OLFM3: variants seen among roughly 807,000 people sequenced by gnomAD.
OLFM3 encodes the protein noelin-3.
OLFM3 carries 20 observed loss-of-function variants against 48.6 expected under a neutral mutation model. That is an observed-to-expected ratio of 0.41 (90% CI 0.29 to 0.60). OLFM3 has a LOEUF of 0.60. Among genes scored for constraint, OLFM3 ranks in the 20% least tolerant of loss-of-function variants. OLFM3 has a pLI of 0.28. For synonymous variants in OLFM3, 222 were observed against 198.1 expected, an observed-to-expected ratio of 1.12 and a Z score of -1.01; for missense variants, 437 against 544.3, an observed-to-expected ratio of 0.80 and a Z score of 1.96.
At chr1:101,812,783 TG>T (rs1281576759) in intron 4 of OLFM3, 1 of 989,456 alleles carries the variant, frequency 1.0e-6, no homozygotes, top group Non-Finnish European at 1.2e-6. Context: ...TGGGTGACCA[TG>T]GTAAAGTGGT....
chr1:101,912,599 C>CAG (rs1384499087), intron 1 of OLFM3, among the ~76,000 whole-genome samples: 1 of 152,100 alleles, frequency 6.6e-6, no homozygotes, highest in East Asian at 1.9e-4. Flanking sequence ...GGATATAAGA[C>CAG]AGAGGTTGAG....
intron 1 of OLFM3, among the ~76,000 whole-genome samples, chr1:101,870,730 C>T (rs566881080): frequency 1.6e-4 from 24 of 151,872 alleles, no homozygotes; most frequent in Non-Finnish European, 2.6e-4. Context: ...TTCACAGTGG[C>T]TTCCTGTGGG....
intron 4 of OLFM3, among the ~76,000 whole-genome samples, chr1:101,807,175 T>C (rs1653816896): frequency 6.6e-6 from 1 of 151,746 alleles, no homozygotes; most frequent in African/African-American, 2.4e-5. Context: ...CATGGGTATA[T>C]TGCACCCAGG....
chr1:101,863,291 T>C (rs1007958196), intron 1 of OLFM3, among the ~76,000 whole-genome samples: 9 of 152,222 alleles, frequency 5.9e-5, no homozygotes, highest in South Asian at 2.1e-4. Context: ...GCTTTTGATA[T>C]TGGATATTTC....
chr1:101,978,214 A>C (rs1308680122), intron 1 of OLFM3, among the ~76,000 whole-genome samples: 1 of 152,136 alleles, frequency 6.6e-6, no homozygotes, highest in African/African-American at 2.4e-5. Context: ...GAGAGAAGTA[A>C]CATGCTTCAA....
At chr1:101,900,093 T>A (rs1658341719) in intron 1 of OLFM3, among the ~76,000 whole-genome samples, 1 of 152,234 alleles carries the variant, frequency 6.6e-6, no homozygotes, top group African/African-American at 2.4e-5. Flanking sequence ...TTCCTATCAC[T>A]TATCATAGCC....
intron 1 of OLFM3, among the ~76,000 whole-genome samples, chr1:101,839,586 A>G (rs1655607383): frequency 6.6e-6 from 1 of 152,198 alleles, no homozygotes; most frequent in Admixed American, 6.5e-5. Flanking sequence ...AGGCCACCCA[A>G]TTATAATATT....
chr1:101,845,964 C>T (rs987335985), intron 1 of OLFM3, among the ~76,000 whole-genome samples: 1 of 152,222 alleles, frequency 6.6e-6, no homozygotes, highest in Non-Finnish European at 1.5e-5. Context: ...GAGTAACCCA[C>T]ATGAAAGTGA....
At chr1:101,821,528 G>C (rs1467611783) in intron 4 of OLFM3, among the ~76,000 whole-genome samples, 1 of 151,924 alleles carries the variant, frequency 6.6e-6, no homozygotes, top group Admixed American at 6.6e-5. Context: ...TGTAATTAAG[G>C]GTTGTGGTCC....
intron 1 of OLFM3, among the ~76,000 whole-genome samples, chr1:101,940,391 C>CT (rs1438939765): frequency 2.1e-5 from 3 of 144,236 alleles, no homozygotes; most frequent in Admixed American, 7.0e-5. Flanking sequence ...ACATCCCTCT[C>CT]TTTTTGAGCT....
chr1:101,897,669 T>C (rs1243780328), intron 1 of OLFM3, among the ~76,000 whole-genome samples: 1 of 152,178 alleles, frequency 6.6e-6, no homozygotes, highest in Admixed American at 6.5e-5. Flanking sequence ...AATATAATAT[T>C]AGAAACAGCT....
At chr1:101,818,502 A>T (rs976003461) in intron 4 of OLFM3, among the ~76,000 whole-genome samples, 4 of 152,126 alleles carry the variant, frequency 2.6e-5, no homozygotes, top group Non-Finnish European at 4.4e-5. Context: ...TTATTTGAAG[A>T]TTCAATTTAA....
intron 1 of OLFM3, among the ~76,000 whole-genome samples, chr1:101,948,015 T>A (rs1034479787): frequency 7.9e-5 from 12 of 152,110 alleles, no homozygotes; most frequent in African/African-American, 2.9e-4. Flanking sequence ...GGCCTGGAAA[T>A]TATCACAATA....
intron 4 of OLFM3, among the ~76,000 whole-genome samples, chr1:101,817,407 C>T (rs558304293): frequency 6.6e-5 from 10 of 152,096 alleles, no homozygotes; most frequent in African/African-American, 2.4e-4. Context: ...AAATATACAT[C>T]TTACCAAATG....
chr1:101,863,951 T>C (rs1364125176), intron 1 of OLFM3, among the ~76,000 whole-genome samples: 1 of 152,186 alleles, frequency 6.6e-6, no homozygotes, highest in Non-Finnish European at 1.5e-5. Context: ...AATTGTCTCA[T>C]AGGATGGATC....
chr1:101,916,106 A>G (rs1458597394), intron 1 of OLFM3, among the ~76,000 whole-genome samples: 1 of 152,184 alleles, frequency 6.6e-6, no homozygotes, highest in Non-Finnish European at 1.5e-5. Context: ...AAAGTAGTGG[A>G]AATATTTATT....
intron 4 of OLFM3, among the ~76,000 whole-genome samples, chr1:101,808,589 G>GA (rs955294904): frequency 2.0e-5 from 3 of 151,332 alleles, no homozygotes; most frequent in South Asian, 2.1e-4. Flanking sequence ...GAAGGCAAAG[G>GA]AAAAAAAATA....
At chr1:101,978,757 T>C (rs1006917630) in intron 1 of OLFM3, among the ~76,000 whole-genome samples, 1 of 152,188 alleles carries the variant, frequency 6.6e-6, no homozygotes, top group Non-Finnish European at 1.5e-5. Flanking sequence ...ATTGCAGTAC[T>C]TTATGCGCTC....
Position 101,804,690 on chromosome 1 carries a change from C to T in OLFM3, c.925G>A (p.Glu309Lys). 2 of 1,612,562 alleles carry T rather than the reference C, an allele frequency of 1.2e-6. No homozygotes were observed. The highest frequency in any genetic ancestry group is 1.7e-6 in the Non-Finnish European group (2 of 1,179,150). Residue 309 changes from glutamate to lysine, a missense_variant, in exon 6 of 6, where the codon GAG becomes AAG. Physicochemically the swap from Glu to Lys is moderately conservative, Grantham distance 56. Coordinates refer to ENST00000370103, the MANE Select transcript of OLFM3 (RefSeq NM_058170.4). This position sits in a 1 kb window ranked among gnomAD's most constrained non-coding sequence, Gnocchi z 4.5. ...TAAACATTATGAAAACCAGCATACTCCAGGCTTCGTTGGGCAAGCACTCTC... is the reference window on the plus strand; with the variant it reads ...TAAACATTATGAAAACCAGCATACTTCAGGCTTCGTTGGGCAAGCACTCTC... ...MGRVLAQRSL[E>K]YAGFHNVYPY... is the part of the protein sequence containing the mutation.
Sources: allele counts gnomAD v4.1 joint callset (sites outside exome capture counted in the v4.1 genomes callset), GRCh38; gene constraint gnomAD v4.1.1; non-coding constraint Gnocchi (gnomAD v3.1); transcripts MANE v1.5; gene names NCBI Gene and HGNC (gene_info 2026-07-23, HGNC 2026-07-21).